QTGAL: variants seen among roughly 807,000 people sequenced by gnomAD.
QTGAL encodes the protein queuosine-tRNA galactosyltransferase, also known as BGnT-like protein 1.
At chr17:82,972,529 G>A in the QTGAL span, among the ~76,000 whole-genome samples, 121 of 103,920 alleles carry the variant, frequency 1.2e-3, no homozygotes, top group African/African-American at 4.9e-3. Flanking sequence ...AGGACCTGGT[G>A]CCGACCACAC....
the QTGAL span, among the ~76,000 whole-genome samples, chr17:82,951,414 C>T: frequency 2.6e-5 from 4 of 152,348 alleles, no homozygotes; most frequent in South Asian, 8.3e-4. Flanking sequence ...TCAGCCTTCA[C>T]AGAATTGAAG....
At chr17:82,974,584 G>A in the QTGAL span, among the ~76,000 whole-genome samples, 19 of 152,176 alleles carry the variant, frequency 1.2e-4, no homozygotes, top group African/African-American at 2.7e-4. Flanking sequence ...TCATATTTGC[G>A]GAGTGAGCTC....
the QTGAL span, chr17:82,946,986 G>T: frequency 6.4e-7 from 1 of 1,557,604 alleles, no homozygotes; most frequent in Non-Finnish European, 8.7e-7. Flanking sequence ...GTGAGGTCCT[G>T]TCAGGAGCAG....
At chr17:83,044,203 A>G in the QTGAL span, among the ~76,000 whole-genome samples, 9 of 152,246 alleles carry the variant, frequency 5.9e-5, no homozygotes, top group Non-Finnish European at 1.2e-4. Flanking sequence ...ACAGGCCAAT[A>G]GCCCTTACAA....
chr17:82,956,587 C>G, the QTGAL span: 1 of 1,255,498 alleles, frequency 8.0e-7, no homozygotes, highest in Non-Finnish European at 1.1e-6. This position sits in a 1 kb window ranked among gnomAD's most constrained non-coding sequence, Gnocchi z 5.7. Context: ...CCACCATCGG[C>G]TGGGGTCTCA....
the QTGAL span, among the ~76,000 whole-genome samples, chr17:83,015,868 C>G: frequency 4.6e-5 from 7 of 152,354 alleles, no homozygotes; most frequent in Admixed American, 1.3e-4. The surrounding 1 kb of genome is among the most constrained non-coding windows in gnomAD (Gnocchi z 4.4). Flanking sequence ...ACCACGCCCC[C>G]CCACCATCGG....
chr17:83,048,322 C>T, the QTGAL span: 2 of 708,244 alleles, frequency 2.8e-6, no homozygotes, highest in Non-Finnish European at 4.8e-6. Flanking sequence ...GCCACCACAC[C>T]TGGCCTCTAC....
the QTGAL span, among the ~76,000 whole-genome samples, chr17:83,040,739 G>C: frequency 6.6e-6 from 1 of 152,128 alleles, no homozygotes; most frequent in Non-Finnish European, 1.5e-5. Flanking sequence ...ATATTCTTGA[G>C]CAAGAGAAAT....
the QTGAL span, chr17:82,942,557 C>G: frequency 6.4e-7 from 1 of 1,569,860 alleles, no homozygotes; most frequent in South Asian, 1.1e-5. Context: ...AGTGGTGCCT[C>G]CAGCTGTTGA....
the QTGAL span, among the ~76,000 whole-genome samples, chr17:83,028,383 G>A: frequency 6.6e-6 from 1 of 151,082 alleles, no homozygotes; most frequent in Admixed American, 6.6e-5. Flanking sequence ...AATTAGCCGG[G>A]CGAGGTGGCG....
At chr17:83,043,237 C>T in the QTGAL span, among the ~76,000 whole-genome samples, 1 of 152,218 alleles carries the variant, frequency 6.6e-6, no homozygotes, top group Admixed American at 6.5e-5. Context: ...CAGGTGTGCA[C>T]AGCGCATTCT....
chr17:83,006,865 G>A, the QTGAL span: 13 of 950,368 alleles, frequency 1.4e-5, no homozygotes, highest in African/African-American at 1.1e-4. This position sits in a 1 kb window ranked among gnomAD's most constrained non-coding sequence, Gnocchi z 5.8. Context: ...AGCAACTGCC[G>A]GGTCACAGAA....
the QTGAL span, among the ~76,000 whole-genome samples, chr17:83,004,773 T>G: frequency 7.1e-6 from 1 of 141,022 alleles, no homozygotes; most frequent in Non-Finnish European, 1.6e-5. Flanking sequence ...GCAGTCCGCG[T>G]GTGGGATTCC....
chr17:83,024,083 CCCA>C, the QTGAL span, among the ~76,000 whole-genome samples: 10 of 152,262 alleles, frequency 6.6e-5, no homozygotes, highest in African/African-American at 2.4e-4. Context: ...GTCCTGTGTC[CCCA>C]CATTTCCTGT....
At chr17:82,997,166 C>T in the QTGAL span, among the ~76,000 whole-genome samples, 136 of 152,140 alleles carry the variant, frequency 8.9e-4, no homozygotes, top group African/African-American at 3.1e-3. Flanking sequence ...GGATTAATAA[C>T]CAGAACATAT....
At chr17:82,986,214 C>T in the QTGAL span, among the ~76,000 whole-genome samples, 25 of 152,308 alleles carry the variant, frequency 1.6e-4, no homozygotes, top group Admixed American at 5.2e-4. Flanking sequence ...GGCTTGCTGC[C>T]GCCGGTGCAG....
the QTGAL span, chr17:83,048,961 G>T: frequency 1.6e-6 from 1 of 611,336 alleles, no homozygotes. Flanking sequence ...AGCTTTCCCT[G>T]AACTGCCTTC....
the QTGAL span, among the ~76,000 whole-genome samples, chr17:83,008,942 C>T: frequency 6.6e-6 from 1 of 152,172 alleles, no homozygotes; most frequent in Non-Finnish European, 1.5e-5. Context: ...AGACAAGCGG[C>T]CCTTCCTGAC....
the QTGAL span, among the ~76,000 whole-genome samples, chr17:83,027,242 T>C: frequency 4.6e-5 from 7 of 152,186 alleles, no homozygotes; most frequent in African/African-American, 1.7e-4. Flanking sequence ...CACCGCCAAG[T>C]GATTTTCAAC....
Sources: gnomAD v4.1 joint callset for allele counts (sites outside exome capture counted in the v4.1 genomes callset) on GRCh38, gnomAD v4.1.1 for gene constraint, Gnocchi (gnomAD v3.1) non-coding constraint, MANE v1.5 for transcripts, NCBI Gene and HGNC (gene_info 2026-07-23, HGNC 2026-07-21) for gene names.